Variants in PAXIP1 observed in about 807,000 individuals in gnomAD.
PAXIP1 encodes PAX-interacting protein 1.
A neutral mutation model predicts 140.6 loss-of-function variants in PAXIP1; 19 were observed. The ratio of observed to expected loss-of-function variants is 0.14; its 90% confidence interval spans 0.09 to 0.20. The LOEUF (loss-of-function observed/expected upper bound fraction) is 0.20, where lower values mean the gene tolerates loss of function less well. Ranked by LOEUF, PAXIP1 falls within the 10% of genes least tolerant of loss-of-function variation. The pLI, the probability that PAXIP1 is intolerant of heterozygous loss-of-function variation, is 1.00. For missense variants in PAXIP1, 920 were observed against 1,208.6 expected, an observed-to-expected ratio of 0.76 and a Z score of 3.54; for synonymous variants, 442 against 444.6, an observed-to-expected ratio of 0.99 and a Z score of 0.07.
rs571967167 is a variant in PAXIP1, at chr7:154,944,263, G to A, written c.3195-99C>T. On this transcript the variant is annotated intron_variant, in intron 20 of 20. Transcript: ENST00000404141. ...ATCATCCAGTTTCAGAGACACCCTT[G>A]AAGGAATGCTACAGCCTCTTTCTTA... 5 of 1,027,086 alleles carry A rather than the reference G, an allele frequency of 4.9e-6. No homozygotes were observed. In the South Asian group the frequency reaches 7.6e-5, roughly 16 times the overall value. The allele number at this position is 1,027,086 out of a possible 1,614,324, so 63.6% of individuals were successfully genotyped here. A position where few individuals can be genotyped will look rare whatever the true frequency, so the allele number is the denominator to read the frequency against.
rs1270500416 is a variant in PAXIP1 at position 154,968,819 on chromosome 7, T to C, written c.1382A>G (p.His461Arg). 6 of 733,422 alleles carry C rather than the reference T, an allele frequency of 8.2e-6. No homozygotes were observed. Among genetic ancestry groups the C allele is most frequent in the Non-Finnish European group, 1.3e-5 (5 of 399,260 alleles). The allele number at this position is 733,422 out of a possible 1,614,324, so 45.4% of individuals were successfully genotyped here. The change falls in exon 7 of 21, where the codon CAT becomes CGT. Residue 461 changes from histidine to arginine, a missense_variant. Physicochemically the swap from His to Arg is conservative, Grantham distance 29. Around this residue, in one of 5 missense-constraint regions of PAXIP1, gnomAD observed 133 missense variants for 88.4 expected, o/e 1.50. Transcript: ENST00000404141. The part of the protein sequence containing the change: ...QQQQQQQAHP[H>R]QFSQQQLQFP... ...CTGTAGCTGTTGCTGTGAAAACTGA[T>C]GCGGATGGGCTTGCTGCTGCTGCTG...
chr7:154,945,399 T>A (rs1416396604), intron 20 of PAXIP1: 2 of 288,854 alleles, frequency 6.9e-6, no homozygotes, highest in African/African-American at 2.3e-5. Context: ...ATTAACTGGA[T>A]GAATGTCAGT....
intron 8 of PAXIP1, chr7:154,965,014 G>C (rs1230505756): frequency 6.6e-6 from 1 of 152,200 alleles, no homozygotes; most frequent in Admixed American, 6.5e-5. Flanking sequence ...CCCTCTAAGA[G>C]TTGGAGCTTT....
chr7:154,974,990 CA>C lies in PAXIP1; in HGVS notation c.1074+705del, dbSNP rs59174178. Among the ~76,000 whole-genome samples, 356 of 122,176 alleles carry C rather than the reference CA, an allele frequency of 2.9e-3. 1 individual carries two copies. The highest frequency in any genetic ancestry group is 9.9e-3 in the East Asian group (43 of 4,346). 80.2% of individuals were successfully genotyped at this position (122,176 alleles called of 152,430 possible). A position where few individuals can be genotyped will look rare whatever the true frequency, so the allele number is the denominator to read the frequency against. ...TGAAACTCTGTCTCTACTAAAAATA[CA>C]AAAAAAAAAAAAAAAATTAGCCAGG... On this transcript the variant is annotated intron_variant, in intron 6 of 20. Transcript: ENST00000404141.
intron 20 of PAXIP1, 117 bp from the exon 21 acceptor site, chr7:154,944,281 C>G (rs6970365): frequency 0.023 from 19,272 of 848,212 alleles, 1,120 homozygotes; most frequent in East Asian, 0.16. Context: ...GCTACAGCCT[C>G]TTTCTTACCC....
Position 154,986,212 on chromosome 7 carries a change from C to A in PAXIP1, c.325-2880G>T. ...GGAAAAGACAGAAGGTCACTGAGAA[C>A]CACCAAGAAACAGTCCTTTTGTAAA... On this transcript the variant is annotated intron_variant, in intron 4 of 20. Transcript: ENST00000404141. The surrounding 1 kb of genome is among the most constrained non-coding windows in gnomAD (Gnocchi z 4.8). 7.5e-7 allele frequency: 1 copy of A among 1,339,964 alleles called. No individual in the cohort carries two copies. Among genetic ancestry groups the A allele is most frequent in the Non-Finnish European group, 9.9e-7 (1 of 1,011,124 alleles). 83.0% of individuals were successfully genotyped at this position (1,339,964 alleles called of 1,614,324 possible).
intron 4 of PAXIP1, among the ~76,000 whole-genome samples, chr7:154,989,379 T>C (rs897686436): frequency 6.6e-6 from 1 of 152,194 alleles, no homozygotes; most frequent in African/African-American, 2.4e-5. Flanking sequence ...CAAATTTCTT[T>C]CCATCTTACC....
chr7:155,002,816 G>A, intron 1 of PAXIP1, 33 bp downstream of exon 1: 1 of 1,278,342 alleles, frequency 7.8e-7, no homozygotes. Context: ...ACGCGGACGG[G>A]GGAGGAGGCC....
chr7:154,960,763 T>C (rs1808723947), intron 12 of PAXIP1, 130 bp downstream of exon 12: 1 of 635,248 alleles, frequency 1.6e-6, no homozygotes, highest in East Asian at 3.0e-5. Flanking sequence ...AGAAAAGAAA[T>C]TGGAAATGAG....
intron 3 of PAXIP1, 46 bp from the exon 4 acceptor site, chr7:154,991,115 C>A: frequency 1.0e-6 from 1 of 1,000,210 alleles, no homozygotes. Context: ...ATTAGTGCAA[C>A]CTGTACTTCA....
At chr7:154,998,963 C>G (rs1328078947) in intron 1 of PAXIP1, among the ~76,000 whole-genome samples, 179 bp from the exon 2 acceptor site, 1 of 152,202 alleles carries the variant, frequency 6.6e-6, no homozygotes, top group Admixed American at 6.5e-5. Flanking sequence ...CGGGGACAAT[C>G]AAAAGCAGCA....
Position 154,986,299 on chromosome 7 carries a change from G to C in PAXIP1, c.325-2967C>G. 1 of 550,878 alleles carries C rather than the reference G, an allele frequency of 1.8e-6. No homozygotes were observed. The highest frequency in any genetic ancestry group is 2.8e-6 in the Non-Finnish European group (1 of 353,024). The allele number at this position is 550,878 out of a possible 1,614,324, so 34.1% of individuals were successfully genotyped here. On this transcript the variant is annotated intron_variant, in intron 4 of 20. Coordinates refer to ENST00000404141, the MANE Select transcript of PAXIP1 (RefSeq NM_007349.4). This position sits in a 1 kb window ranked among gnomAD's most constrained non-coding sequence, Gnocchi z 4.8. The stretch of plus-strand genomic sequence containing the variant: ...GTGCGCATGGGTGCTCCAGTGTGCA[G>C]AAAAGGTGCAGATCCCTCTGACAGT...
intron 8 of PAXIP1, among the ~76,000 whole-genome samples, chr7:154,966,715 A>T (rs149744457): frequency 6.6e-6 from 1 of 152,226 alleles, no homozygotes; most frequent in Non-Finnish European, 1.5e-5. Context: ...CTCTTTCCTC[A>T]GCCAGCCACA....
chr7:154,976,020 A>T lies in PAXIP1; in HGVS notation c.750T>A (p.Asp250Glu). The change falls in exon 6 of 21, where the codon GAT (aspartate) becomes GAA (glutamate). Residue 250 changes from aspartate (D) to glutamate (E), a missense_variant. This residue lies in a region of PAXIP1 where 419 missense variants were observed against 514.7 expected (regional missense o/e 0.81). Coordinates refer to ENST00000404141, the MANE Select transcript of PAXIP1 (RefSeq NM_007349.4). Reference sequence around the variant, plus strand: ...TTTCCGGTGATGAATCTGAAGAATCATCAAACATTAATTCCCCTTTAGATT... The same window carrying T: ...TTTCCGGTGATGAATCTGAAGAATCTTCAAACATTAATTCCCCTTTAGATT... ...TEKSKGELMFDDSSDSSPEKQ... is the reference protein window; with the variant it reads ...TEKSKGELMFEDSSDSSPEKQ... 6.2e-7 allele frequency: 1 copy of T among 1,612,070 alleles called. No individual in the cohort carries two copies. Among genetic ancestry groups the T allele is most frequent in the South Asian group, 1.1e-5 (1 of 90,730 alleles).
intron 4 of PAXIP1, among the ~76,000 whole-genome samples, chr7:154,990,137 G>C (rs909359884): frequency 6.8e-6 from 1 of 147,892 alleles, no homozygotes; most frequent in Non-Finnish European, 1.5e-5. Flanking sequence ...CGCCTCCCAG[G>C]TTCAAGTGAT....
In PAXIP1 at chr7:154,990,996, C is replaced by T. The variant is rs1243635454; in HGVS notation, c.324+10G>A. 3 of 1,524,494 alleles carry T rather than the reference C, an allele frequency of 2.0e-6. No homozygotes were observed. Among genetic ancestry groups the T allele is most frequent in the Middle Eastern group, 1.7e-4 (1 of 5,930 alleles). The allele number at this position is 1,524,494 out of a possible 1,614,324, so 94.4% of individuals were successfully genotyped here. ...ATAAATAACTCAAGACTAACTGTAA[C>T]CATGCTTACCTGAGAAAGGCAGGCA... is the stretch of plus-strand genomic sequence containing the variant. On this transcript the variant is annotated intron_variant, in intron 4 of 20. Transcript: ENST00000404141.
chr7:154,969,288 T>C (rs1362873062), intron 6 of PAXIP1, among the ~76,000 whole-genome samples, 162 bp from the exon 7 acceptor site: 1 of 152,282 alleles, frequency 6.6e-6, no homozygotes, highest in African/African-American at 2.4e-5. Context: ...CATTTTCTTT[T>C]GTATTTATTT....
In PAXIP1 at chr7:154,991,080, GTTA is replaced by G. The variant is rs1563388378; in HGVS notation, c.261-14_261-12del. The G allele has an allele frequency of 2.1e-6, 3 of 1,430,132 alleles. No individual in the cohort carries two copies. The Admixed American group carries it at 7.0e-5, about 33-fold the overall frequency. 88.6% of individuals were successfully genotyped at this position (1,430,132 alleles called of 1,614,324 possible). On this transcript the variant is annotated splice_polypyrimidine_tract_variant and intron_variant, in intron 3 of 20. Transcript: ENST00000404141. ...GAAAAACCATTTACTCTGTTTTATA[GTTA>G]TTAAGATTACAATGAAATAAGATTA...
intron 6 of PAXIP1, among the ~76,000 whole-genome samples, chr7:154,972,683 A>G (rs923232298): frequency 1.1e-4 from 17 of 152,356 alleles, no homozygotes; most frequent in African/African-American, 3.8e-4. Context: ...GGCTTAATCC[A>G]TGATTTCTCA....
Sources: allele counts gnomAD v4.1 joint callset (sites outside exome capture counted in the v4.1 genomes callset), GRCh38; gene constraint gnomAD v4.1.1; regional missense constraint gnomAD v4.1.1; non-coding constraint Gnocchi (gnomAD v3.1); transcripts MANE v1.5; gene names NCBI Gene and HGNC (gene_info 2026-07-23, HGNC 2026-07-21).